Variants in GFOD1 observed in about 807,000 individuals in gnomAD.
GFOD1 encodes the protein Gfo/Idh/MocA-like oxidoreductase domain containing 1.
Under a neutral mutation model 25.4 loss-of-function variants are expected in GFOD1, and 9 were observed. The observed-to-expected ratio is 0.35, with a 90% CI of 0.21 to 0.62. The LOEUF (loss-of-function observed/expected upper bound fraction) is 0.62. GFOD1 is among the 20% of genes least tolerant of loss of function. GFOD1 has a pLI of 0.72. For missense variants in GFOD1, 403 were observed against 556.9 expected (o/e 0.72, Z 2.78); for synonymous variants, 253 against 245.6 (o/e 1.03, Z -0.28).
intron 1 of GFOD1, among the ~76,000 whole-genome samples, chr6:13,417,375 G>C (rs1378577905): frequency 6.6e-6 from 1 of 152,172 alleles, no homozygotes; most frequent in Non-Finnish European, 1.5e-5. Context: ...GGATGGTCTC[G>C]ATCTCCTGAC....
Position 13,366,102 on chromosome 6 carries a change from A to T in GFOD1, c.254-440T>A, listed in dbSNP as rs546430359. On this transcript the variant is annotated intron_variant, in intron 1 of 1. Transcript: ENST00000379287. ...AGCAAGACTCTGTCTCAAAAAATAA[A>T]AAATAATGAAAATAAAAAAGATATT... Among the ~76,000 whole-genome samples, 722 of 151,994 alleles carry T rather than the reference A, an allele frequency of 4.8e-3. 3 individuals carry two copies. The highest frequency in any genetic ancestry group is 7.0e-3 in the Non-Finnish European group (477 of 67,972).
In GFOD1 at chr6:13,487,352, A is replaced by T. The variant is rs1029902378; in HGVS notation, c.-462T>A. The T allele has an allele frequency of 1.3e-5, 2 of 158,446 alleles. No individual in the cohort carries two copies. Among genetic ancestry groups the T allele is most frequent in the African/African-American group, 4.8e-5 (2 of 41,648 alleles). 9.8% of individuals were successfully genotyped at this position (158,446 alleles called of 1,614,324 possible). A position where few individuals can be genotyped will look rare whatever the true frequency, so the allele number is the denominator to read the frequency against. ...CGGCGAATCGCACAGACAAACGTCT[A>T]CACCCTGCCAGAGCACGGAACCGCT... On this transcript the variant is annotated 5_prime_UTR_variant, in exon 1 of 2. Coordinates refer to ENST00000379287, the MANE Select transcript of GFOD1 (RefSeq NM_018988.4). The surrounding 1 kb of genome is among the most constrained non-coding windows in gnomAD (Gnocchi z 4.9).
rs70989854 is a variant in GFOD1 at position 13,393,780 on chromosome 6, C to CTT, written c.254-28120_254-28119dup. On this transcript the variant is annotated intron_variant, in intron 1 of 1. Transcript: ENST00000379287. ...CCTTGGCCAATTTCTTTTTTCTTTTCTTTTTTTTTTTTTTTTTGAGACGGA... is the reference window on the plus strand; with the variant it reads ...CCTTGGCCAATTTCTTTTTTCTTTTCTTTTTTTTTTTTTTTTTTTGAGACGGA... Among the ~76,000 whole-genome samples the CTT allele has an allele frequency of 9.2e-4, 111 of 120,238 alleles. 8 individuals are homozygous for CTT. Among genetic ancestry groups the CTT allele is most frequent in the Middle Eastern group, 5.4e-3 (1 of 184 alleles). The allele number at this position is 120,238 out of a possible 152,430, so 78.9% of individuals were successfully genotyped here. A position where few individuals can be genotyped will look rare whatever the true frequency, so the allele number is the denominator to read the frequency against.
chr6:13,374,437 G>C (rs1785217443), intron 1 of GFOD1, among the ~76,000 whole-genome samples: 1 of 151,532 alleles, frequency 6.6e-6, no homozygotes, highest in Admixed American at 6.6e-5. Context: ...TTAGTAGCTG[G>C]GGTTACAGGC....
chr6:13,438,244 T>G (rs1757863930), intron 1 of GFOD1, among the ~76,000 whole-genome samples: 1 of 152,216 alleles, frequency 6.6e-6, no homozygotes, highest in African/African-American at 2.4e-5. Flanking sequence ...ACAGTTGTGA[T>G]CTTCTGTTAA....
At chr6:13,463,258 G>A (rs1758323597) in intron 1 of GFOD1, among the ~76,000 whole-genome samples, 1 of 152,186 alleles carries the variant, frequency 6.6e-6, no homozygotes, top group African/African-American at 2.4e-5. Context: ...CCAGTTTACA[G>A]ATGCTGCACT....
chr6:13,408,615 C>A (rs2127565195), intron 1 of GFOD1, among the ~76,000 whole-genome samples: 1 of 152,240 alleles, frequency 6.6e-6, no homozygotes, highest in Middle Eastern at 3.4e-3. Context: ...AACAGGAGAT[C>A]ACCTGATGCC....
intron 1 of GFOD1, among the ~76,000 whole-genome samples, chr6:13,393,473 C>G (rs559612): frequency 0.65 from 98,072 of 151,186 alleles, 32,808 homozygotes; most frequent in South Asian, 0.74. Context: ...AAAGGACCAC[C>G]GGCCAGTCCA....
chr6:13,466,173 G>A (rs1032015133), intron 1 of GFOD1, among the ~76,000 whole-genome samples: 1 of 152,200 alleles, frequency 6.6e-6, no homozygotes, highest in African/African-American at 2.4e-5. Context: ...ATCCTGGGAT[G>A]CTTTGGTTAT....
intron 1 of GFOD1, chr6:13,470,142 T>C: frequency 6.6e-7 from 1 of 1,504,618 alleles, no homozygotes; most frequent in Non-Finnish European, 9.0e-7. Context: ...TGTTGGTGAA[T>C]GTAGCCAGTG....
intron 1 of GFOD1, among the ~76,000 whole-genome samples, chr6:13,376,879 A>G (rs1040457141): frequency 3.3e-5 from 5 of 152,220 alleles, no homozygotes; most frequent in Admixed American, 1.3e-4. Context: ...CAAGAGAAAC[A>G]CTATCCTCAC....
intron 1 of GFOD1, among the ~76,000 whole-genome samples, chr6:13,428,226 C>T (rs775506305): frequency 1.3e-5 from 2 of 152,198 alleles, no homozygotes; most frequent in Admixed American, 6.5e-5. Flanking sequence ...GGTCTCTCTG[C>T]GGTGTCTTTA....
At chr6:13,450,571 T>C (rs1023565765) in intron 1 of GFOD1, among the ~76,000 whole-genome samples, 3 of 152,248 alleles carry the variant, frequency 2.0e-5, no homozygotes, top group African/African-American at 7.2e-5. Context: ...TTCCAGTGGA[T>C]CACACTGGAC....
rs1330037176 is a variant in GFOD1 at position 13,361,607 on chromosome 6, C to T, written c.*3136G>A. 6.6e-6 allele frequency: 1 copy of T among 152,190 alleles called. No homozygotes were observed. The highest frequency in any genetic ancestry group is 2.4e-5 in the African/African-American group (1 of 41,428). The allele number at this position is 152,190 out of a possible 1,614,324, so 9.4% of individuals were successfully genotyped here. A position where few individuals can be genotyped will look rare whatever the true frequency, so the allele number is the denominator to read the frequency against. ...TGTTGAAGGCTAGAGATTTCAGCTT[C>T]ATATAGCTACCCCAAATCAAGTCTT... is the stretch of plus-strand genomic sequence containing the variant. On this transcript the variant is annotated 3_prime_UTR_variant, in exon 2 of 2. Transcript: ENST00000379287.
intron 1 of GFOD1, among the ~76,000 whole-genome samples, chr6:13,453,846 AC>A (rs1280406923): frequency 6.6e-6 from 1 of 152,158 alleles, no homozygotes; most frequent in Non-Finnish European, 1.5e-5. Context: ...AGCCTCCATA[AC>A]CTATGATCAC....
chr6:13,394,479 T>TTTTC (rs1785687222), intron 1 of GFOD1, among the ~76,000 whole-genome samples: 1 of 137,590 alleles, frequency 7.3e-6, no homozygotes, highest in African/African-American at 2.7e-5. Flanking sequence ...TTTTTTTTTT[T>TTTTC]TTTTTTTTTT....
Position 13,364,001 on chromosome 6 carries a change from G to A in GFOD1, c.*742C>T, listed in dbSNP as rs1784990930. On this transcript the variant is annotated 3_prime_UTR_variant, in exon 2 of 2. Transcript: ENST00000379287. This position sits in a 1 kb window ranked among gnomAD's most constrained non-coding sequence, Gnocchi z 4.1. The stretch of plus-strand genomic sequence containing the variant: ...TTTTATTCTCTGCTGCCCCTGCTTT[G>A]GTGCAGCCTGTGCTCTTTTCTTGTG... The A allele has an allele frequency of 6.6e-6, 1 of 152,166 alleles. No homozygotes were observed. Among genetic ancestry groups the A allele is most frequent in the Non-Finnish European group, 1.5e-5 (1 of 68,066 alleles). 9.4% of individuals were successfully genotyped at this position (152,166 alleles called of 1,614,324 possible). A position where few individuals can be genotyped will look rare whatever the true frequency, so the allele number is the denominator to read the frequency against.
chr6:13,461,310 G>A (rs893045397), intron 1 of GFOD1, among the ~76,000 whole-genome samples: 2 of 152,204 alleles, frequency 1.3e-5, no homozygotes, highest in Non-Finnish European at 2.9e-5. Flanking sequence ...GTGTCATTGA[G>A]CCAGAGCTGC....
chr6:13,447,206 C>T (rs1449857444), intron 1 of GFOD1, among the ~76,000 whole-genome samples: 1 of 152,146 alleles, frequency 6.6e-6, no homozygotes, highest in Non-Finnish European at 1.5e-5. Context: ...GGGCTGGATG[C>T]TTCTTAAGGT....
Sources: gnomAD v4.1 joint callset for allele counts (sites outside exome capture counted in the v4.1 genomes callset) on GRCh38, gnomAD v4.1.1 for gene constraint, Gnocchi (gnomAD v3.1) non-coding constraint, MANE v1.5 for transcripts, NCBI Gene and HGNC (gene_info 2026-07-23, HGNC 2026-07-21) for gene names.